Variants in LMOD1 observed in about 807,000 individuals in gnomAD.
LMOD1 encodes leiomodin 1.
In LMOD1, 8 loss-of-function variants were observed where a neutral mutation model predicts 36.5. The observed-to-expected ratio is 0.22, with a 90% CI of 0.13 to 0.40. The LOEUF is 0.40. LMOD1 is among the 10% of genes least tolerant of loss of function. The pLI is 1.00. For missense variants in LMOD1, 630 were observed against 751.1 expected (o/e 0.84, Z 1.88); for synonymous variants, 284 against 288.7 (o/e 0.98, Z 0.17).
chr1:201,936,279 G>GC (rs1351492832), intron 1 of LMOD1, among the ~76,000 whole-genome samples: 14 of 151,866 alleles, frequency 9.2e-5, no homozygotes, highest in Admixed American at 3.9e-4. Context: ...CTGCACTCTT[G>GC]CCCCCCTACA....
intron 1 of LMOD1, 145 bp from the exon 2 acceptor site, chr1:201,900,896 G>GTCTC (rs1419368791): frequency 2.9e-6 from 2 of 701,356 alleles, no homozygotes; most frequent in African/African-American, 3.6e-5. Context: ...TGGGGTGGAT[G>GTCTC]TCTCCATTGA....
chr1:201,920,603 G>C (rs1216407223), intron 1 of LMOD1, among the ~76,000 whole-genome samples: 1 of 152,168 alleles, frequency 6.6e-6, no homozygotes, highest in Non-Finnish European at 1.5e-5. Context: ...AGGTGGGTCT[G>C]GATATTCTAC....
rs768631375 is a variant in LMOD1, at chr1:201,946,085, T to C, written c.256A>G (p.Met86Val). Reference protein sequence around the residue: ...TKKLMQREMSMDESKQVETKT... With the variant: ...TKKLMQREMSVDESKQVETKT... ...CCAGGGCTGTGCTCACTCACATCCA[T>C]GGACATCTCCCTCTGCATAAGTTTC... The change falls in exon 1 of 3, where the codon ATG becomes GTG. Residue 86 changes from methionine (M) to valine (V), a missense_variant. By Grantham distance (21) the Met-to-Val change is conservative. Around this residue, in one of 3 missense-constraint regions of LMOD1, gnomAD observed 405 missense variants for 400.6 expected, o/e 1.01. Transcript: ENST00000367288. 4.3e-6 allele frequency: 7 copies of C among 1,613,628 alleles called. No individual in the cohort carries two copies. The African/African-American group carries it at 5.3e-5, about 12-fold the overall frequency.
intron 1 of LMOD1, among the ~76,000 whole-genome samples, chr1:201,901,645 T>TAC (rs1681323587): frequency 6.5e-5 from 2 of 30,866 alleles, no homozygotes; most frequent in South Asian, 8.6e-4. Context: ...TATATATATA[T>TAC]ATACATATAT....
At chr1:201,901,620 ATGTGTGTG>A (rs1217093444) in intron 1 of LMOD1, among the ~76,000 whole-genome samples, 1 of 47,580 alleles carries the variant, frequency 2.1e-5, no homozygotes, top group Non-Finnish European at 3.9e-5. Flanking sequence ...ACACATATAT[ATGTGTGTG>A]TGTATATATA....
rs576044641 is a variant in LMOD1 at position 201,920,045 on chromosome 1, CTTTTTTTT to C, written c.262-19302_262-19295del. Among the ~76,000 whole-genome samples, 23 of 52,538 alleles carry C rather than the reference CTTTTTTTT, an allele frequency of 4.4e-4. 1 individual carries two copies. Among genetic ancestry groups the C allele is most frequent in the South Asian group, 1.6e-3 (2 of 1,250 alleles). The allele number at this position is 52,538 out of a possible 152,430, so 34.5% of individuals were successfully genotyped here. ...TCTCCACCCGCCACTGGCTCTCTCT[CTTTTTTTT>C]TTTTTTTTTTTTTTTTTTTTGAGAC... is the stretch of plus-strand genomic sequence containing the variant. On this transcript the variant is annotated intron_variant, in intron 1 of 2. Transcript: ENST00000367288.
intron 1 of LMOD1, among the ~76,000 whole-genome samples, chr1:201,912,757 G>A (rs1389468595): frequency 6.6e-6 from 1 of 152,148 alleles, no homozygotes; most frequent in Non-Finnish European, 1.5e-5. Flanking sequence ...TACTCCGGAG[G>A]CTGAGGCAGG....
intron 1 of LMOD1, among the ~76,000 whole-genome samples, chr1:201,931,311 G>T (rs899370387): frequency 1.3e-5 from 2 of 152,208 alleles, no homozygotes; most frequent in African/African-American, 4.8e-5. Flanking sequence ...AAGACAGATG[G>T]ATCACTTGAG....
intron 1 of LMOD1, among the ~76,000 whole-genome samples, chr1:201,922,044 T>C (rs956896251): frequency 6.6e-6 from 1 of 152,018 alleles, no homozygotes; most frequent in Non-Finnish European, 1.5e-5. Flanking sequence ...CGTGATGAGA[T>C]ATACTTCACA....
At chr1:201,943,757 A>G (rs1016085178) in intron 1 of LMOD1, among the ~76,000 whole-genome samples, 3 of 152,188 alleles carry the variant, frequency 2.0e-5, no homozygotes, top group African/African-American at 7.2e-5. Context: ...GCTCTGTGCT[A>G]AGTGCTCTAC....
At chr1:201,921,735 C>T (rs1681708823) in intron 1 of LMOD1, among the ~76,000 whole-genome samples, 2 of 151,526 alleles carry the variant, frequency 1.3e-5, no homozygotes, top group Non-Finnish European at 2.9e-5. Flanking sequence ...CTGAGGCGGG[C>T]GGATCACGAG....
intron 1 of LMOD1, among the ~76,000 whole-genome samples, chr1:201,915,257 GT>G (rs1681585966): frequency 6.6e-6 from 1 of 151,942 alleles, no homozygotes; most frequent in Non-Finnish European, 1.5e-5. Flanking sequence ...ACATGTGGGT[GT>G]TGGCAAGGTC....
chr1:201,946,016 A>G (rs566027308), intron 1 of LMOD1, 64 bp downstream of exon 1: 15 of 1,525,092 alleles, frequency 9.8e-6, no homozygotes, highest in Middle Eastern at 1.8e-4. Flanking sequence ...CATCCTAATC[A>G]TGAAGCCAGG....
intron 1 of LMOD1, among the ~76,000 whole-genome samples, chr1:201,902,428 G>A (rs929236848): frequency 1.4e-4 from 21 of 147,896 alleles, no homozygotes; most frequent in African/African-American, 4.7e-4. Context: ...TGTGATGGGG[G>A]CTTGAGGTTT....
intron 1 of LMOD1, among the ~76,000 whole-genome samples, chr1:201,935,617 C>T (rs555609902): frequency 2.0e-5 from 3 of 151,956 alleles, no homozygotes; most frequent in Admixed American, 2.0e-4. Flanking sequence ...AGTGCAGTGG[C>T]ATGATCTTGG....
intron 1 of LMOD1, among the ~76,000 whole-genome samples, chr1:201,902,444 G>GGTTT (rs5780094): frequency 0.28 from 41,861 of 149,376 alleles, 6,036 homozygotes; most frequent in Non-Finnish European, 0.33. Context: ...GGTTTTTTTT[G>GGTTT]GTTTGTTTGT....
intron 1 of LMOD1, among the ~76,000 whole-genome samples, chr1:201,936,158 C>T (rs556273713): frequency 6.7e-6 from 1 of 148,992 alleles, no homozygotes; most frequent in Non-Finnish European, 1.5e-5. Flanking sequence ...CAGTACTGAT[C>T]ACCCCGACTC....
intron 1 of LMOD1, among the ~76,000 whole-genome samples, chr1:201,908,610 TA>T (rs1297745883): frequency 6.6e-6 from 1 of 152,136 alleles, no homozygotes. Context: ...GTGGGGGTGC[TA>T]CAGGGCGGCC....
At chr1:201,927,293 A>G (rs1681840673) in intron 1 of LMOD1, among the ~76,000 whole-genome samples, 1 of 152,076 alleles carries the variant, frequency 6.6e-6, no homozygotes, top group Non-Finnish European at 1.5e-5. Flanking sequence ...AAAAATTATT[A>G]TACTTGGCTC....
Sources: gnomAD v4.1 joint callset for allele counts (sites outside exome capture counted in the v4.1 genomes callset) on GRCh38, gnomAD v4.1.1 for gene constraint, gnomAD v4.1.1 regional missense constraint, MANE v1.5 for transcripts, NCBI Gene and HGNC (gene_info 2026-07-23, HGNC 2026-07-21) for gene names.